SPPL2B: variants seen among roughly 807,000 people sequenced by gnomAD.
SPPL2B encodes signal peptide peptidase like 2B.
Under a neutral mutation model 59.7 loss-of-function variants are expected in SPPL2B, and 39 were observed. The ratio of observed to expected loss-of-function variants is 0.65; its 90% CI spans 0.51 to 0.85. SPPL2B has a LOEUF of 0.85. Ranked by LOEUF, SPPL2B falls within the 40% of genes least tolerant of loss-of-function variation. The pLI is 0.00. For synonymous variants in SPPL2B, 419 were observed against 370.8 expected, an observed-to-expected ratio of 1.13 and a Z score of -1.49; for missense variants, 865 against 849.0, an observed-to-expected ratio of 1.02 and a Z score of -0.23.
chr19:2,350,940 G>T (rs1345493193), intron 13 of SPPL2B, among the ~76,000 whole-genome samples: 1 of 152,188 alleles, frequency 6.6e-6, no homozygotes, highest in Non-Finnish European at 1.5e-5. Context: ...GCCCCGGTGG[G>T]TGGACACCGT....
intron 5 of SPPL2B, 78 bp from the exon 6 acceptor site, chr19:2,339,746 C>G: frequency 6.5e-7 from 1 of 1,534,724 alleles, no homozygotes; most frequent in South Asian, 1.2e-5. Flanking sequence ...GCCCCGTTCC[C>G]CCGGGTGGCT....
intron 8 of SPPL2B, chr19:2,341,316 A>G (rs1193746753): frequency 1.7e-6 from 1 of 585,234 alleles, no homozygotes; most frequent in Non-Finnish European, 3.2e-6. Context: ...ATCGCTGCCC[A>G]GGGCCACAGT....
At chr19:2,334,127 C>A (rs1187087531) in intron 1 of SPPL2B, among the ~76,000 whole-genome samples, 1 of 152,224 alleles carries the variant, frequency 6.6e-6, no homozygotes, top group Non-Finnish European at 1.5e-5. Flanking sequence ...GGCTGTGGGT[C>A]AAAGGCCACC....
At chr19:2,352,556 C>T (rs527945152) in intron 14 of SPPL2B, among the ~76,000 whole-genome samples, 11 of 152,268 alleles carry the variant, frequency 7.2e-5, no homozygotes, top group African/African-American at 2.2e-4. Context: ...TGGCCTGAGA[C>T]CAGGCCCCAG....
At chr19:2,343,939 G>T (rs747848950) in intron 9 of SPPL2B, 26 bp from the exon 10 acceptor site, 3 of 1,535,998 alleles carry the variant, frequency 2.0e-6, no homozygotes, top group East Asian at 4.9e-5. Flanking sequence ...CGGGGTGGGG[G>T]CCGCCCTCAG....
rs374248132 is a variant in SPPL2B, at chr19:2,345,291, G to A, written c.1315G>A (p.Val439Ile). The change falls in exon 13 of 15, where the codon GTA (valine) becomes ATA (isoleucine). Residue 439 changes from valine to isoleucine, a missense_variant. Physicochemically the swap from Val to Ile is conservative, Grantham distance 29. Transcript: ENST00000613503. ...VAYCHRFDIQVQSSRVYFVAC... is the reference protein window; with the variant it reads ...VAYCHRFDIQIQSSRVYFVAC... ...CTACTGCCACAGGTTTGACATCCAG[G>A]TACAGTCCTCCAGGGTATACTTCGT... 3.7e-6 allele frequency: 6 copies of A among 1,612,954 alleles called. No individual in the cohort carries two copies. In the African/African-American group the frequency reaches 8.0e-5, roughly 22 times the overall value.
chr19:2,336,720 A>G (rs1386280756), intron 2 of SPPL2B, among the ~76,000 whole-genome samples: 1 of 145,600 alleles, frequency 6.9e-6, no homozygotes, highest in Admixed American at 6.9e-5. Flanking sequence ...GCGTGTGCAT[A>G]TGTGTGCCAT....
chr19:2,337,522 A>G lies in SPPL2B; in HGVS notation c.266A>G (p.Gln89Arg). The G allele has an allele frequency of 6.2e-7, 1 of 1,613,288 alleles. No individual in the cohort carries two copies. The highest frequency in any genetic ancestry group is 8.5e-7 in the Non-Finnish European group (1 of 1,179,678). ...ADLPARGFSN[Q>R]IPLVARGNCT... Reference sequence around the variant, plus strand: ...CTCCCCGCCCGTGGCTTCAGCAACCAGATCCCGCTGGTGGCGCGGGGGAAC... The same window carrying G: ...CTCCCCGCCCGTGGCTTCAGCAACCGGATCCCGCTGGTGGCGCGGGGGAAC... Residue 89 changes from glutamine to arginine, a missense_variant, in exon 3 of 15, where the codon CAG becomes CGG. Transcript: ENST00000613503.
intron 13 of SPPL2B, among the ~76,000 whole-genome samples, chr19:2,348,997 C>G: frequency 1.4e-5 from 2 of 146,008 alleles, no homozygotes; most frequent in Admixed American, 1.4e-4. Context: ...CACACACTCA[C>G]GCTCTCATTC....
Position 2,345,196 on chromosome 19 carries a change from G to T in SPPL2B, c.1277-57G>T, listed in dbSNP as rs1969295675. 2.7e-6 allele frequency: 4 copies of T among 1,501,292 alleles called. No homozygotes were observed. In the Admixed American group the frequency reaches 5.2e-5, roughly 20 times the overall value. The allele number at this position is 1,501,292 out of a possible 1,614,324, so 93.0% of individuals were successfully genotyped here. A position where few individuals can be genotyped will look rare whatever the true frequency, so the allele number is the denominator to read the frequency against. ...TCAGGTGCCCGCCCGCTCCCAGGAA[G>T]CCCCTGCTCTGAGGCTCTGCGGGCC... On this transcript the variant is annotated intron_variant, in intron 12 of 14. Coordinates refer to ENST00000613503, the MANE Select transcript of SPPL2B (RefSeq NM_152988.3).
intron 14 of SPPL2B, 179 bp downstream of exon 14, chr19:2,351,773 A>G: frequency 3.2e-6 from 2 of 633,768 alleles, no homozygotes; most frequent in Non-Finnish European, 2.3e-6. Flanking sequence ...ACGTGCGTGC[A>G]GCTCCTGTGC....
In SPPL2B at chr19:2,348,732, G is replaced by A. The variant is rs374247014; in HGVS notation, c.1355-2702G>A. On this transcript the variant is annotated intron_variant, in intron 13 of 14. Coordinates refer to ENST00000613503, the MANE Select transcript of SPPL2B (RefSeq NM_152988.3). Reference sequence around the variant, plus strand: ...TCCACACACACTCACGCTCTCATTCGCTTGATTCCGTTCTCTCTCTCCACA... The same window carrying A: ...TCCACACACACTCACGCTCTCATTCACTTGATTCCGTTCTCTCTCTCCACA... Among the ~76,000 whole-genome samples, 45 of 68,224 alleles carry A rather than the reference G, an allele frequency of 6.6e-4. No homozygotes were observed. In the East Asian group the frequency reaches 0.013, roughly 20 times the overall value. 44.8% of individuals were successfully genotyped at this position (68,224 alleles called of 152,430 possible).
intron 1 of SPPL2B, among the ~76,000 whole-genome samples, chr19:2,329,779 C>T (rs1445313745): frequency 6.6e-6 from 1 of 152,336 alleles, no homozygotes; most frequent in Non-Finnish European, 1.5e-5. Flanking sequence ...CAGACCGTGT[C>T]GCATCCAGAT....
chr19:2,341,000 C>G lies in SPPL2B; in HGVS notation c.942C>G (p.Phe314Leu), dbSNP rs569109347. The change falls in exon 8 of 15, where the codon TTC becomes TTG. Residue 314 changes from phenylalanine to leucine, a missense_variant. By Grantham distance (22) the Phe-to-Leu change is conservative. Transcript: ENST00000613503. ...CCGTCAGCGTGGTGTGGGGCGTCTT[C>G]CGCAACGAGGACCAGTAAGTGCTGC... ...CVAVSVVWGVFRNEDQWAWVL... is the reference protein window; with the variant it reads ...CVAVSVVWGVLRNEDQWAWVL... 6.2e-7 allele frequency: 1 copy of G among 1,604,126 alleles called. No individual in the cohort carries two copies. The highest frequency in any genetic ancestry group is 1.1e-5 in the South Asian group (1 of 91,068).
chr19:2,339,464 AG>A, intron 5 of SPPL2B, among the ~76,000 whole-genome samples: 1 of 152,256 alleles, frequency 6.6e-6, no homozygotes, highest in East Asian at 1.9e-4. Context: ...TGGCAGGTGC[AG>A]GGCTGGGCAG....
At chr19:2,328,888 G>C in intron 1 of SPPL2B, 113 bp downstream of exon 1, 2 of 963,026 alleles carry the variant, frequency 2.1e-6, no homozygotes, top group Non-Finnish European at 2.8e-6. Flanking sequence ...GTCCAGCCTC[G>C]GGGATCCGCC....
At chr19:2,350,674 C>T (rs902597453) in intron 13 of SPPL2B, among the ~76,000 whole-genome samples, 17 of 152,358 alleles carry the variant, frequency 1.1e-4, no homozygotes, top group African/African-American at 2.2e-4. Flanking sequence ...CCAGTTTTCC[C>T]GAAGCAATGC....
At chr19:2,340,690 C>T (rs994901405) in intron 7 of SPPL2B, among the ~76,000 whole-genome samples, 22 of 152,126 alleles carry the variant, frequency 1.4e-4, no homozygotes, top group African/African-American at 4.3e-4. Context: ...GGGTACAGCC[C>T]GTGGCCCCCA....
intron 13 of SPPL2B, among the ~76,000 whole-genome samples, chr19:2,347,159 C>G (rs887802595): frequency 4.7e-5 from 7 of 150,236 alleles, no homozygotes; most frequent in African/African-American, 1.5e-4. Context: ...TCACCTGATT[C>G]CGTTCTCTCT....
Sources: allele counts gnomAD v4.1 joint callset (sites outside exome capture counted in the v4.1 genomes callset), GRCh38; gene constraint gnomAD v4.1.1; transcripts MANE v1.5; gene names NCBI Gene and HGNC (gene_info 2026-07-23, HGNC 2026-07-21).